SNTG1: variants seen among roughly 807,000 people sequenced by gnomAD.
SNTG1 encodes the protein gamma-1-syntrophin.
SNTG1 carries 39 observed loss-of-function variants against 74.7 expected under a neutral mutation model. That is an observed-to-expected ratio of 0.52 (90% CI 0.40 to 0.68). The LOEUF is 0.68. SNTG1 is among the 30% of genes least tolerant of loss of function. SNTG1 has a pLI of 0.00. For missense variants in SNTG1, 685 were observed against 609.5 expected, an observed-to-expected ratio of 1.12 and a Z score of -1.30; for synonymous variants, 254 against 217.1, an observed-to-expected ratio of 1.17 and a Z score of -1.49.
At chr8:50,064,197 A>G (rs971888582) in intron 1 of SNTG1, among the ~76,000 whole-genome samples, 2 of 152,214 alleles carry the variant, frequency 1.3e-5, no homozygotes, top group Non-Finnish European at 2.9e-5. Flanking sequence ...CAGCATCATC[A>G]CGTGTAAGAT....
intron 5 of SNTG1, among the ~76,000 whole-genome samples, chr8:50,442,898 G>A (rs893489202): frequency 2.6e-5 from 4 of 152,054 alleles, no homozygotes; most frequent in Admixed American, 6.5e-5. Flanking sequence ...ACATGGCCTC[G>A]GGCCTGGCTG....
At chr8:50,738,377 G>C (rs2095534347) in intron 17 of SNTG1, among the ~76,000 whole-genome samples, 1 of 152,042 alleles carries the variant, frequency 6.6e-6, no homozygotes, top group Non-Finnish European at 1.5e-5. Context: ...TCTTCAAAGA[G>C]AACTAGAAAC....
At chr8:50,754,362 G>C (rs1162113727) in intron 18 of SNTG1, among the ~76,000 whole-genome samples, 2 of 151,776 alleles carry the variant, frequency 1.3e-5, no homozygotes, top group African/African-American at 2.4e-5. Flanking sequence ...GCAAGGTTTG[G>C]GTATTGTCAC....
chr8:50,285,761 G>A (rs2088738620), intron 2 of SNTG1, among the ~76,000 whole-genome samples: 1 of 151,156 alleles, frequency 6.6e-6, no homozygotes, highest in Non-Finnish European at 1.5e-5. Context: ...AAACCATAAG[G>A]GCGTCATTCT....
intron 1 of SNTG1, among the ~76,000 whole-genome samples, chr8:50,159,332 C>T (rs947485180): frequency 6.6e-5 from 10 of 151,992 alleles, no homozygotes; most frequent in Non-Finnish European, 1.2e-4. Flanking sequence ...CTAGATTTTA[C>T]GTTTCCTGGT....
At chr8:50,174,764 G>T (rs1057280888) in intron 2 of SNTG1, among the ~76,000 whole-genome samples, 4 of 151,968 alleles carry the variant, frequency 2.6e-5, no homozygotes, top group African/African-American at 7.2e-5. Context: ...ACAACGTGCA[G>T]GTTTGTTACA....
intron 13 of SNTG1, among the ~76,000 whole-genome samples, chr8:50,621,066 T>C (rs974698502): frequency 3.0e-5 from 3 of 98,364 alleles, no homozygotes; most frequent in Admixed American, 2.0e-4. Context: ...GAGATAACTT[T>C]TTTTTTTTTT....
At chr8:50,426,607 A>G (rs2093166958) in intron 4 of SNTG1, among the ~76,000 whole-genome samples, 1 of 151,926 alleles carries the variant, frequency 6.6e-6, no homozygotes, top group East Asian at 1.9e-4. Context: ...TATAAGTAAA[A>G]AATGTTACAA....
intron 15 of SNTG1, among the ~76,000 whole-genome samples, chr8:50,687,381 T>C (rs1215228413): frequency 3.9e-5 from 6 of 152,166 alleles, no homozygotes; most frequent in Non-Finnish European, 7.4e-5. Context: ...AAAACCTGAC[T>C]ATATGCTGAT....
At chr8:50,537,401 GT>G in intron 11 of SNTG1, among the ~76,000 whole-genome samples, 1 of 152,072 alleles carries the variant, frequency 6.6e-6, no homozygotes, top group Non-Finnish European at 1.5e-5. Flanking sequence ...AGCATAGTTG[GT>G]CTAAATTATA....
intron 1 of SNTG1, among the ~76,000 whole-genome samples, chr8:49,982,381 T>C (rs1415218914): frequency 1.3e-5 from 2 of 152,086 alleles, no homozygotes; most frequent in Non-Finnish European, 2.9e-5. Context: ...TGCTCCTTGG[T>C]AGACACAGTT....
chr8:50,151,109 G>A (rs999938996), intron 1 of SNTG1, among the ~76,000 whole-genome samples: 5 of 152,108 alleles, frequency 3.3e-5, no homozygotes, highest in African/African-American at 9.7e-5. Context: ...GGTCTATTCA[G>A]GGATTCAACT....
intron 17 of SNTG1, among the ~76,000 whole-genome samples, chr8:50,714,613 G>T (rs141949314): frequency 2.5e-3 from 382 of 152,184 alleles, no homozygotes; most frequent in African/African-American, 8.9e-3. Context: ...TACATGCATG[G>T]ATGACAAAGT....
At chr8:50,025,145 A>G (rs529390205) in intron 1 of SNTG1, among the ~76,000 whole-genome samples, 65 of 152,266 alleles carry the variant, frequency 4.3e-4, no homozygotes, top group Non-Finnish European at 8.4e-4. Context: ...AAAGATATAC[A>G]AAACCAAGAA....
At chr8:50,081,734 A>C (rs193131439) in intron 1 of SNTG1, among the ~76,000 whole-genome samples, 280 of 152,200 alleles carry the variant, frequency 1.8e-3, no homozygotes, top group Middle Eastern at 0.01. Flanking sequence ...CCCGAGTTCA[A>C]GTGATTCTTC....
intron 13 of SNTG1, among the ~76,000 whole-genome samples, chr8:50,642,812 T>C (rs563441728): frequency 1.3e-5 from 2 of 152,258 alleles, no homozygotes; most frequent in Admixed American, 6.5e-5. Flanking sequence ...ATAACATGTA[T>C]TTTACTTTTA....
intron 15 of SNTG1, among the ~76,000 whole-genome samples, chr8:50,699,235 G>T (rs1010050750): frequency 6.6e-5 from 10 of 152,052 alleles, no homozygotes; most frequent in African/African-American, 2.4e-4. Flanking sequence ...GTCTGGGTAG[G>T]CAATGAGATA....
chr8:50,277,529 G>C (rs925553430), intron 2 of SNTG1, among the ~76,000 whole-genome samples: 1 of 152,070 alleles, frequency 6.6e-6, no homozygotes, highest in Non-Finnish European at 1.5e-5. Flanking sequence ...TTTGAACAGA[G>C]TTGAAAATAA....
At chr8:49,985,502 A>G (rs972781149) in intron 1 of SNTG1, among the ~76,000 whole-genome samples, 5 of 152,222 alleles carry the variant, frequency 3.3e-5, no homozygotes, top group African/African-American at 1.2e-4. Context: ...GATATTAACA[A>G]TATTAAGTTG....
Sources: gnomAD v4.1 joint callset for allele counts (sites outside exome capture counted in the v4.1 genomes callset) on GRCh38, gnomAD v4.1.1 for gene constraint, MANE v1.5 for transcripts, NCBI Gene and HGNC (gene_info 2026-07-23, HGNC 2026-07-21) for gene names.